Variants in NCOR1 observed in about 807,000 individuals in gnomAD.
NCOR1 encodes the protein protein phosphatase 1, regulatory subunit 109.
A neutral mutation model predicts 288.1 loss-of-function variants in NCOR1; 63 were observed. The observed-to-expected ratio is 0.22, with a 90% CI of 0.18 to 0.27. NCOR1 has a LOEUF of 0.27. Ranked by LOEUF, NCOR1 falls within the 10% of genes least tolerant of loss-of-function variation. The pLI is 1.00. For missense variants in NCOR1, 2,397 were observed against 3,019.2 expected (o/e 0.79, Z 4.83); for synonymous variants, 1,007 against 1,065.9 (o/e 0.94, Z 1.08).
intron 26 of NCOR1, 85 bp downstream of exon 26, chr17:16,079,879 G>T: frequency 1.7e-6 from 2 of 1,164,342 alleles, no homozygotes; most frequent in Non-Finnish European, 2.5e-6. Flanking sequence ...ATGAACTTAA[G>T]CCACAAAATA....
At chr17:16,203,939 T>C (rs1457767777) in intron 1 of NCOR1, among the ~76,000 whole-genome samples, 1 of 152,166 alleles carries the variant, frequency 6.6e-6, no homozygotes, top group Non-Finnish European at 1.5e-5. Context: ...ATCTCTATGA[T>C]TTCTTTTTGA....
chr17:16,153,057 A>G (rs895674942), intron 7 of NCOR1, among the ~76,000 whole-genome samples: 3 of 152,168 alleles, frequency 2.0e-5, no homozygotes, highest in Non-Finnish European at 4.4e-5. Flanking sequence ...TTTTAACAGT[A>G]ACATTCAAAG....
At chr17:16,144,198 A>G (rs368116238) in intron 10 of NCOR1, among the ~76,000 whole-genome samples, 1 of 152,236 alleles carries the variant, frequency 6.6e-6, no homozygotes, top group East Asian at 1.9e-4. Flanking sequence ...ATCAGAATCT[A>G]TCAAAGAATT....
At chr17:16,065,380 C>A (rs1028848470) in intron 33 of NCOR1, 105 bp downstream of exon 33, 1 of 1,240,594 alleles carries the variant, frequency 8.1e-7, no homozygotes, top group Non-Finnish European at 1.1e-6. Context: ...GTATTCTTTT[C>A]TTTCTTTCTT....
At chr17:16,117,016 AACAGTCTTGAC>A (rs1348834916) in intron 18 of NCOR1, among the ~76,000 whole-genome samples, 2 of 152,218 alleles carry the variant, frequency 1.3e-5, no homozygotes, top group Non-Finnish European at 2.9e-5. Context: ...TTTTTATGAA[AACAGTCTTGAC>A]CTCATGGAAT....
At chr17:16,067,341 G>C (rs2061245887) in intron 32 of NCOR1, among the ~76,000 whole-genome samples, 1 of 152,236 alleles carries the variant, frequency 6.6e-6, no homozygotes, top group Non-Finnish European at 1.5e-5. Context: ...GCTTTGGAAA[G>C]AGTTGATACA....
At chr17:16,143,523 C>T (rs1471015475) in intron 11 of NCOR1, 83 bp downstream of exon 11, 1 of 1,042,094 alleles carries the variant, frequency 9.6e-7, no homozygotes, top group Admixed American at 2.1e-5. Context: ...CCCACATTTA[C>T]ATACAAAAAA....
chr17:16,063,471 C>G (rs2060767240), intron 35 of NCOR1, among the ~76,000 whole-genome samples: 1 of 152,192 alleles, frequency 6.6e-6, no homozygotes, highest in Admixed American at 6.5e-5. Context: ...GCATGAGCCA[C>G]CATGCCCAGC....
intron 5 of NCOR1, 59 bp downstream of exon 5, chr17:16,164,920 A>C (rs369130955): frequency 8.1e-7 from 1 of 1,233,970 alleles, no homozygotes; most frequent in East Asian, 2.6e-5. Flanking sequence ...AAACTCAAAA[A>C]TATCTACTGT....
rs149414733 is a variant in NCOR1 at position 16,071,819 on chromosome 17, T to C, written c.3896-154A>G. On this transcript the variant is annotated intron_variant, in intron 29 of 45. Coordinates refer to ENST00000268712, the MANE Select transcript of NCOR1 (RefSeq NM_006311.4). ...TGCCTTGACATCTTGTAGTTTCTAA[T>C]TAACTTTCTGTTTACAGTAGATCCT... is the stretch of plus-strand genomic sequence containing the variant. 2.6e-5 allele frequency among the ~76,000 whole-genome samples: 4 copies of C among 152,380 alleles called. No homozygotes were observed. In the East Asian group the frequency reaches 7.7e-4, roughly 29 times the overall value.
chr17:16,106,875 ATATATATATTTTTTTTT>A (rs2068798104), intron 19 of NCOR1, among the ~76,000 whole-genome samples: 1 of 53,348 alleles, frequency 1.9e-5, no homozygotes, highest in African/African-American at 9.6e-5. Context: ...ATATATATAT[ATATATATATTTTTTTTT>A]TTTTTTTTTT....
intron 9 of NCOR1, among the ~76,000 whole-genome samples, chr17:16,147,239 T>A (rs1295422406): frequency 6.6e-6 from 1 of 152,084 alleles, no homozygotes; most frequent in Non-Finnish European, 1.5e-5. Flanking sequence ...TGAAACCCCG[T>A]CTCTATTAAA....
rs2077450224 is a variant in NCOR1 at position 16,143,590 on chromosome 17, A to G, written c.1173+16T>C. On this transcript the variant is annotated intron_variant, in intron 11 of 45. Transcript: ENST00000268712. Reference sequence around the variant, plus strand: ...AATAATTAACGAATTAACTTGAATTAAATTTATTTTCTTACCTCCTGCTCA... The same window carrying G: ...AATAATTAACGAATTAACTTGAATTGAATTTATTTTCTTACCTCCTGCTCA... 6.3e-7 allele frequency: 1 copy of G among 1,591,950 alleles called. No homozygotes were observed. The highest frequency in any genetic ancestry group is 8.6e-7 in the Non-Finnish European group (1 of 1,160,878).
intron 44 of NCOR1, among the ~76,000 whole-genome samples, chr17:16,038,622 AGAC>A (rs1375641179): frequency 6.6e-6 from 1 of 152,062 alleles, no homozygotes; most frequent in Admixed American, 6.6e-5. Context: ...ATTTTTGTAG[AGAC>A]GGGGTTTTCA....
chr17:16,067,653 G>C (rs1408050958), intron 32 of NCOR1, among the ~76,000 whole-genome samples: 2 of 152,154 alleles, frequency 1.3e-5, no homozygotes, highest in Non-Finnish European at 2.9e-5. Flanking sequence ...GTTTCACCAA[G>C]TGCCATCAGA....
chr17:16,154,856 CG>C (rs2079462975), intron 6 of NCOR1, among the ~76,000 whole-genome samples: 1 of 152,082 alleles, frequency 6.6e-6, no homozygotes, highest in Non-Finnish European at 1.5e-5. Context: ...AGGAAAGAAG[CG>C]TAAGACCAGA....
chr17:16,058,479 T>A lies in NCOR1; in HGVS notation c.6002A>T (p.Gln2001Leu), dbSNP rs1437829087. Residue 2001 changes from glutamine (Q) to leucine (L), a missense_variant, in exon 38 of 46, where the codon CAA (glutamine) becomes CTA (leucine). Gln to Leu is a moderately radical substitution (Grantham distance 113). Around this residue, in one of 11 missense-constraint regions of NCOR1, gnomAD observed 1,872 missense variants for 2,187.8 expected, o/e 0.86. Coordinates refer to ENST00000268712, the MANE Select transcript of NCOR1 (RefSeq NM_006311.4). Reference sequence around the variant, plus strand: ...AGCTTAAGAAGACATACTTTCCGCTTGATTTGCCTTAACAACCTCTGGCTG... The same window carrying A: ...AGCTTAAGAAGACATACTTTCCGCTAGATTTGCCTTAACAACCTCTGGCTG... ...TYQPEVVKANQAENDPTRQYE... is the reference protein window; with the variant it reads ...TYQPEVVKANLAENDPTRQYE... 3 of 1,612,038 alleles carry A rather than the reference T, an allele frequency of 1.9e-6. No individual in the cohort carries two copies. In the African/African-American group the frequency reaches 4.0e-5, roughly 22 times the overall value.
chr17:16,036,484 A>C (rs1336129689), intron 44 of NCOR1, among the ~76,000 whole-genome samples: 1 of 152,160 alleles, frequency 6.6e-6, no homozygotes, highest in African/African-American at 2.4e-5. Context: ...CTGTCTTTTG[A>C]AGTTTTGGAC....
chr17:16,206,783 A>G (rs1426325759), intron 1 of NCOR1, among the ~76,000 whole-genome samples: 3 of 152,208 alleles, frequency 2.0e-5, no homozygotes, highest in Non-Finnish European at 4.4e-5. Context: ...GAACAGTAGT[A>G]TATAAAAGAA....
Sources: allele counts gnomAD v4.1 joint callset (sites outside exome capture counted in the v4.1 genomes callset), GRCh38; gene constraint gnomAD v4.1.1; regional missense constraint gnomAD v4.1.1; transcripts MANE v1.5; gene names NCBI Gene and HGNC (gene_info 2026-07-23, HGNC 2026-07-21).